Variants in FNDC4 observed in about 807,000 individuals in gnomAD.
The protein encoded by FNDC4 is fibronectin type III domain containing 4.
FNDC4 carries 11 observed loss-of-function variants against 25.1 expected under a neutral mutation model. That is an observed-to-expected ratio of 0.44 (90% CI 0.28 to 0.73). FNDC4 has a LOEUF of 0.73. FNDC4 is among the 30% of genes least tolerant of loss of function. The pLI, the probability that FNDC4 is intolerant of heterozygous loss-of-function variation, is 0.16. For missense variants in FNDC4, 250 were observed against 304.3 expected (o/e 0.82, Z 1.33); for synonymous variants, 136 against 118.8 (o/e 1.14, Z -0.94).
rs768403286 is a variant in FNDC4 at position 27,494,176 on chromosome 2, T to C, written c.250-42A>G. 6 of 1,579,996 alleles carry C rather than the reference T, an allele frequency of 3.8e-6. 1 individual carries two copies. In the South Asian group the frequency reaches 6.7e-5, roughly 18 times the overall value. ...GGAGAGGAGGACAGCCTCACCCCAGTGCCAGGCCACAAGGCTCAACCAGAG... is the reference window on the plus strand; with the variant it reads ...GGAGAGGAGGACAGCCTCACCCCAGCGCCAGGCCACAAGGCTCAACCAGAG... On this transcript the variant is annotated intron_variant, in intron 3 of 6. Coordinates refer to ENST00000264703, the MANE Select transcript of FNDC4 (RefSeq NM_022823.3). The surrounding 1 kb of genome is among the most constrained non-coding windows in gnomAD (Gnocchi z 4.6).
At position 27,494,123 on chromosome 2, in the gene FNDC4, G is replaced by T. The variant is rs1669322988; in HGVS notation, c.261C>A (p.Gly87=). ...GYSISQQRQN[G]PGQRVIREVN... is the part of the protein sequence containing the mutation. ...CCTCCCGAATCACACGCTGCCCGGG[G>T]CCATTCTGCCGCTGCAGGGAGATGA... Residue 87 remains glycine (G), a synonymous_variant, in exon 4 of 7, where the codon GGC becomes GGA. Transcript: ENST00000264703. This position sits in a 1 kb window ranked among gnomAD's most constrained non-coding sequence, Gnocchi z 4.6. 1.2e-6 allele frequency: 2 copies of T among 1,613,850 alleles called. No individual in the cohort carries two copies. The highest frequency in any genetic ancestry group is 1.7e-6 in the Non-Finnish European group (2 of 1,179,952).
Position 27,494,758 on chromosome 2 carries a change from CG to C in FNDC4, c.-24-56del, listed in dbSNP as rs1222923129. 7.3e-6 allele frequency: 6 copies of C among 816,428 alleles called. No individual in the cohort carries two copies. Among genetic ancestry groups the C allele is most frequent in the South Asian group, 1.8e-5 (1 of 55,618 alleles). 50.6% of individuals were successfully genotyped at this position (816,428 alleles called of 1,614,324 possible). On this transcript the variant is annotated intron_variant, in intron 1 of 6. Coordinates refer to ENST00000264703, the MANE Select transcript of FNDC4 (RefSeq NM_022823.3). The surrounding 1 kb of genome is among the most constrained non-coding windows in gnomAD (Gnocchi z 4.6). ...AGGACTGCCCAGAACGCACGGAGGT[CG>C]GGGGGCAGCAGCTCTCCTGGGCTCC...
At position 27,493,934 on chromosome 2, in the gene FNDC4, G is replaced by T; in HGVS notation, c.450C>A (p.Ser150Arg). 1 of 1,614,126 alleles carries T rather than the reference G, an allele frequency of 6.2e-7. No homozygotes were observed. The highest frequency in any genetic ancestry group is 8.5e-7 in the Non-Finnish European group (1 of 1,179,916). ...GSDRLPSNSS[S>R]PGDITVEGLD... Reference sequence around the variant, plus strand: ...TCCAATAGCACAGATCCTCACCTGGGCTTGAACTGTTTGAAGGTAGCCGGT... The same window carrying T: ...TCCAATAGCACAGATCCTCACCTGGTCTTGAACTGTTTGAAGGTAGCCGGT... The change falls in exon 4 of 7, where the codon AGC (serine) becomes AGA (arginine). Residue 150 changes from serine (S) to arginine (R), a missense_variant. Ser to Arg is a moderately radical substitution (Grantham distance 110, BLOSUM62 -1). Transcript: ENST00000264703.
chr2:27,493,580 T>C, intron 4 of FNDC4, 102 bp from the exon 5 acceptor site: 1 of 1,001,430 alleles, frequency 1.0e-6, no homozygotes, highest in South Asian at 1.3e-5. Flanking sequence ...GGACCCATCA[T>C]AATGTTGCCC....
At position 27,494,396 on chromosome 2, in the gene FNDC4, G is replaced by A. The variant is rs1669330359; in HGVS notation, c.204C>T (p.Asp68=). 1 of 1,614,182 alleles carries A rather than the reference G, an allele frequency of 6.2e-7. No individual in the cohort carries two copies. Among genetic ancestry groups the A allele is most frequent in the African/African-American group, 1.3e-5 (1 of 75,054 alleles). The change falls in exon 3 of 7, where the codon GAC becomes GAT. Residue 68 remains aspartate, a synonymous_variant. Coordinates refer to ENST00000264703, the MANE Select transcript of FNDC4 (RefSeq NM_022823.3). This position sits in a 1 kb window ranked among gnomAD's most constrained non-coding sequence, Gnocchi z 4.6. ...LRANSATVSW[D]VPEGNIVIGY... ...CAATGACGATGTTGCCTTCTGGGAC[G>A]TCCCAGGACACAGTGGCCGAGTTGG...
rs1669284040 is a variant in FNDC4 at position 27,492,660 on chromosome 2, C to T, written c.669+6G>A. On this transcript the variant is annotated splice_donor_region_variant and intron_variant, in intron 6 of 6. Coordinates refer to ENST00000264703, the MANE Select transcript of FNDC4 (RefSeq NM_022823.3). The surrounding 1 kb of genome is among the most constrained non-coding windows in gnomAD (Gnocchi z 4.1). ...CCCTTTCCGCCCTCACTGGCCCCCA[C>T]ATCACCTGTCTTGTCCCCACTGGCC... 1 of 1,614,034 alleles carries T rather than the reference C, an allele frequency of 6.2e-7. No homozygotes were observed. The highest frequency in any genetic ancestry group is 8.5e-7 in the Non-Finnish European group (1 of 1,180,048).
chr2:27,493,808 G>A (rs1669313965), intron 4 of FNDC4, 122 bp downstream of exon 4: 1 of 939,816 alleles, frequency 1.1e-6, no homozygotes, highest in Non-Finnish European at 1.7e-6. Flanking sequence ...TTCCTTTCCT[G>A]GCAGTACAAT....
At position 27,492,085 on chromosome 2, in the gene FNDC4, T is replaced by C. The variant is rs1167913677; in HGVS notation, c.*358A>G. ...GAGTACCCACAGAAACACCCCTCTC[T>C]GAGGGCCAGAGGCAAGATGTGGGGC... On this transcript the variant is annotated 3_prime_UTR_variant, in exon 7 of 7. Coordinates refer to ENST00000264703, the MANE Select transcript of FNDC4 (RefSeq NM_022823.3). This position sits in a 1 kb window ranked among gnomAD's most constrained non-coding sequence, Gnocchi z 4.1. The C allele has an allele frequency of 3.0e-6, 1 of 331,946 alleles. No individual in the cohort carries two copies. Among genetic ancestry groups the C allele is most frequent in the East Asian group, 5.2e-5 (1 of 19,312 alleles). 20.6% of individuals were successfully genotyped at this position (331,946 alleles called of 1,614,324 possible). A position where few individuals can be genotyped will look rare whatever the true frequency, so the allele number is the denominator to read the frequency against.
Position 27,492,045 on chromosome 2 carries a change from T to G in FNDC4, c.*398A>C. On this transcript the variant is annotated 3_prime_UTR_variant, in exon 7 of 7. Coordinates refer to ENST00000264703, the MANE Select transcript of FNDC4 (RefSeq NM_022823.3). The surrounding 1 kb of genome is among the most constrained non-coding windows in gnomAD (Gnocchi z 4.1). Reference sequence around the variant, plus strand: ...TCTAGGGTCAGACAATTCCTTTTATTTGCTGGGGTAAGAGGAGTACCCACA... The same window carrying G: ...TCTAGGGTCAGACAATTCCTTTTATGTGCTGGGGTAAGAGGAGTACCCACA... 4.2e-6 allele frequency: 1 copy of G among 238,868 alleles called. No individual in the cohort carries two copies. The highest frequency in any genetic ancestry group is 8.3e-6 in the Non-Finnish European group (1 of 121,026). The allele number at this position is 238,868 out of a possible 1,614,324, so 14.8% of individuals were successfully genotyped here.
Position 27,494,716 on chromosome 2 carries a change from G to C in FNDC4, c.-24-13C>G, listed in dbSNP as rs13012458. 1 of 1,483,602 alleles carries C rather than the reference G, an allele frequency of 6.7e-7. No individual in the cohort carries two copies. Among genetic ancestry groups the C allele is most frequent in the Non-Finnish European group, 8.9e-7 (1 of 1,120,152 alleles). 91.9% of individuals were successfully genotyped at this position (1,483,602 alleles called of 1,614,324 possible). On this transcript the variant is annotated splice_polypyrimidine_tract_variant and intron_variant, in intron 1 of 6. Transcript: ENST00000264703. This position sits in a 1 kb window ranked among gnomAD's most constrained non-coding sequence, Gnocchi z 4.6. ...CCAGGCGGGGCTCCTGGAGATGGCA[G>C]GAGTTGTGGGGGGTCAAGGACTGCC...
rs768566669 is a variant in FNDC4 at position 27,492,835 on chromosome 2, C to T, written c.545-45G>A. ...GAGCCTTCATCTCCACTTCCCCCCTCATAGGGAGATACCTACGTAGCTTCT... is the reference window on the plus strand; with the variant it reads ...GAGCCTTCATCTCCACTTCCCCCCTTATAGGGAGATACCTACGTAGCTTCT... On this transcript the variant is annotated intron_variant, in intron 5 of 6. Transcript: ENST00000264703. The surrounding 1 kb of genome is among the most constrained non-coding windows in gnomAD (Gnocchi z 4.1). The T allele has an allele frequency of 6.2e-7, 1 of 1,611,780 alleles. No individual in the cohort carries two copies. Among genetic ancestry groups the T allele is most frequent in the African/African-American group, 1.3e-5 (1 of 74,868 alleles).
intron 4 of FNDC4, 97 bp downstream of exon 4, chr2:27,493,833 T>C (rs1481074067): frequency 4.8e-5 from 53 of 1,104,332 alleles, no homozygotes; most frequent in Non-Finnish European, 4.1e-5. Flanking sequence ...TAAATCATCC[T>C]ATTCAACTCA....
chr2:27,493,647 C>T (rs1486801507), intron 4 of FNDC4, among the ~76,000 whole-genome samples, 169 bp from the exon 5 acceptor site: 27 of 152,126 alleles, frequency 1.8e-4, no homozygotes, highest in Admixed American at 1.6e-3. Flanking sequence ...AGGTGGTTAG[C>T]GACCAAAAAG....
rs112306837 is a variant in FNDC4, at chr2:27,494,469, G to A, written c.134-3C>T. 18 of 1,614,026 alleles carry A rather than the reference G, an allele frequency of 1.1e-5. No individual in the cohort carries two copies. The highest frequency in any genetic ancestry group is 9.3e-5 in the African/African-American group (7 of 75,060). ...ATTCACAGGAGAGGGAGGCCGGTCT[G>A]CGGGAGCCAGGGTGTTTAACAGGTT... On this transcript the variant is annotated splice_region_variant and splice_polypyrimidine_tract_variant and intron_variant, in intron 2 of 6. Transcript: ENST00000264703. This position sits in a 1 kb window ranked among gnomAD's most constrained non-coding sequence, Gnocchi z 4.6.
Position 27,492,570 on chromosome 2 carries a change from T to G in FNDC4, c.670-92A>C. ...CTCCCCCATCCCAGATCTTCCATTCTCCATCTTTTTCTGCCCCTCTTTGAC... is the reference window on the plus strand; with the variant it reads ...CTCCCCCATCCCAGATCTTCCATTCGCCATCTTTTTCTGCCCCTCTTTGAC... On this transcript the variant is annotated intron_variant, in intron 6 of 6. Transcript: ENST00000264703. The surrounding 1 kb of genome is among the most constrained non-coding windows in gnomAD (Gnocchi z 4.1). The G allele has an allele frequency of 1.3e-6, 2 of 1,596,868 alleles. No homozygotes were observed. Among genetic ancestry groups the G allele is most frequent in the Non-Finnish European group, 1.7e-6 (2 of 1,164,492 alleles).
Position 27,492,458 on chromosome 2 carries a change from G to A in FNDC4, c.690C>T (p.Asn230=). Residue 230 remains asparagine (N), a synonymous_variant, in exon 7 of 7, where the codon AAC becomes AAT. Transcript: ENST00000264703. The surrounding 1 kb of genome is among the most constrained non-coding windows in gnomAD (Gnocchi z 4.1). Reference sequence around the variant, plus strand: ...GTTTCTTCACTCAAACGTCGATGGTGTTGATAGATGGTGACTTTTTCTGTG... The same window carrying A: ...GTTTCTTCACTCAAACGTCGATGGTATTGATAGATGGTGACTTTTTCTGTG... ...GTRQKKSPSI[N]TIDV The A allele has an allele frequency of 6.2e-7, 1 of 1,614,154 alleles. No individual in the cohort carries two copies. The highest frequency in any genetic ancestry group is 8.5e-7 in the Non-Finnish European group (1 of 1,179,992).
chr2:27,494,850 G>GA lies in FNDC4; in HGVS notation c.-25+27dup. 1.7e-6 allele frequency: 1 copy of GA among 577,238 alleles called. No individual in the cohort carries two copies. The highest frequency in any genetic ancestry group is 3.0e-6 in the Non-Finnish European group (1 of 328,132). The allele number at this position is 577,238 out of a possible 1,614,324, so 35.8% of individuals were successfully genotyped here. On this transcript the variant is annotated intron_variant, in intron 1 of 6. Transcript: ENST00000264703. This position sits in a 1 kb window ranked among gnomAD's most constrained non-coding sequence, Gnocchi z 4.6. Reference sequence around the variant, plus strand: ...CCCCCGCATTGCCCGGGCGGCCCCAGAGTGCGGTCCGCCCTGCCCACACCC... The same window carrying GA: ...CCCCCGCATTGCCCGGGCGGCCCCAGAAGTGCGGTCCGCCCTGCCCACACCC...
intron 4 of FNDC4, 115 bp downstream of exon 4, chr2:27,493,815 C>T (rs1669314177): frequency 7.1e-6 from 7 of 983,150 alleles, no homozygotes; most frequent in Non-Finnish European, 1.1e-5. Context: ...CCTGGCAGTA[C>T]AATGAATTAA....
Position 27,495,107 on chromosome 2 carries a change from G to C in FNDC4, c.-254C>G, listed in dbSNP as rs1669356269. ...AGCAGGGGGCGTTGCCCGGACGCTG[G>C]CCTGGGTCCCCGGTGCGGGAGGCAG... On this transcript the variant is annotated 5_prime_UTR_variant, in exon 1 of 7. Transcript: ENST00000264703. The C allele has an allele frequency of 6.6e-6, 1 of 151,940 alleles. No homozygotes were observed. The highest frequency in any genetic ancestry group is 2.4e-5 in the African/African-American group (1 of 41,376). The allele number at this position is 151,940 out of a possible 1,614,324, so 9.4% of individuals were successfully genotyped here.
Sources: gnomAD v4.1 joint callset for allele counts (sites outside exome capture counted in the v4.1 genomes callset) on GRCh38, gnomAD v4.1.1 for gene constraint, Gnocchi (gnomAD v3.1) non-coding constraint, MANE v1.5 for transcripts, NCBI Gene and HGNC (gene_info 2026-07-23, HGNC 2026-07-21) for gene names.